The following CISH variants were observed in gnomAD, a reference collection of about 807,000 sequenced individuals.
The protein encoded by CISH is cytokine-inducible SH2-containing protein.
Under a neutral mutation model 21.3 loss-of-function variants are expected in CISH, and 11 were observed. That is an observed-to-expected ratio of 0.52 (90% CI 0.32 to 0.85). The LOEUF (loss-of-function observed/expected upper bound fraction) is 0.85, where lower values mean the gene tolerates loss of function less well. Ranked by LOEUF, CISH falls within the 40% of genes least tolerant of loss-of-function variation. The pLI, the probability that CISH is intolerant of heterozygous loss-of-function variation, is 0.03. For missense variants in CISH, 280 were observed against 351.7 expected, an observed-to-expected ratio of 0.80 and a Z score of 1.63; for synonymous variants, 118 against 142.3, an observed-to-expected ratio of 0.83 and a Z score of 1.22.
rs373707188 is a variant in CISH at position 50,608,360 on chromosome 3, C to A, written c.241+13G>T. ...CTACTCAGGAAAAGGCCTGCCTCCC[C>A]CCTCAGACTCACCAGATTCCCGAAG... On this transcript the variant is annotated intron_variant, in intron 2 of 2. Coordinates refer to ENST00000348721, the MANE Select transcript of CISH (RefSeq NM_145071.4). 5 of 1,585,284 alleles carry A rather than the reference C, an allele frequency of 3.2e-6. No homozygotes were observed. In the African/African-American group the frequency reaches 4.1e-5, roughly 13 times the overall value.
In CISH at chr3:50,610,032, A is replaced by C. The variant is rs996449492; in HGVS notation, c.21-1439T>G. On this transcript the variant is annotated intron_variant, in intron 1 of 2. Transcript: ENST00000348721. ...GGTTCTAACAAATCATGGCCCTATG[A>C]CCACTCACAGTGAGAAAGGGCCACA... 4 of 331,214 alleles carry C rather than the reference A, an allele frequency of 1.2e-5. No individual in the cohort carries two copies. In the Admixed American group the frequency reaches 1.2e-4, roughly 10 times the overall value. The allele number at this position is 331,214 out of a possible 1,614,324, so 20.5% of individuals were successfully genotyped here.
chr3:50,608,016 G>A lies in CISH; in HGVS notation c.368C>T (p.Thr123Ile). 7.4e-6 allele frequency: 12 copies of A among 1,614,054 alleles called. No homozygotes were observed. The highest frequency in any genetic ancestry group is 1.0e-5 in the Non-Finnish European group (12 of 1,180,024). The part of the protein sequence containing the change: ...SYLFTLSVKT[T>I]RGPTNVRIEY... ...AATGCGTACATTGGTGGGGCCACGA[G>A]TGGTTTTCACTGACAGCGTGAACAG... Residue 123 changes from threonine (T) to isoleucine (I), a missense_variant, in exon 3 of 3, where the codon ACT (threonine) becomes ATT (isoleucine). Physicochemically the swap from Thr to Ile is moderately conservative, Grantham distance 89. Coordinates refer to ENST00000348721, the MANE Select transcript of CISH (RefSeq NM_145071.4).
rs1249441223 is a variant in CISH, at chr3:50,607,236, G to T, written c.*371C>A. 1 of 252,548 alleles carries T rather than the reference G, an allele frequency of 4.0e-6. No homozygotes were observed. Among genetic ancestry groups the T allele is most frequent in the African/African-American group, 2.2e-5 (1 of 45,994 alleles). 15.6% of individuals were successfully genotyped at this position (252,548 alleles called of 1,614,324 possible). On this transcript the variant is annotated 3_prime_UTR_variant, in exon 3 of 3. Coordinates refer to ENST00000348721, the MANE Select transcript of CISH (RefSeq NM_145071.4). ...AAACAGAGGCTGGCTGCCAGTAGGG[G>T]TCCTACCCGACCCTGGGGATTGAAA... is the stretch of plus-strand genomic sequence containing the variant.
At position 50,607,595 on chromosome 3, in the gene CISH, T is replaced by G. The variant is rs1466771144; in HGVS notation, c.*12A>C. The G allele has an allele frequency of 6.3e-7, 1 of 1,596,968 alleles. No individual in the cohort carries two copies. Among genetic ancestry groups the G allele is most frequent in the East Asian group, 2.2e-5 (1 of 44,636 alleles). The stretch of plus-strand genomic sequence containing the variant: ...TGCGACTGGGTGAGGGTGGGCAGAT[T>G]GCCCCGTACAGTCAGAGCTGGAAGG... On this transcript the variant is annotated 3_prime_UTR_variant, in exon 3 of 3. Transcript: ENST00000348721.
chr3:50,609,612 A>G (rs1382789489), intron 1 of CISH: 1 of 152,180 alleles, frequency 6.6e-6, no homozygotes, highest in African/African-American at 2.4e-5. Context: ...GACTGGCTCT[A>G]CTTCCCCAGG....
chr3:50,608,173 T>C (rs377391900), intron 2 of CISH, 31 bp from the exon 3 acceptor site: 71 of 1,571,916 alleles, frequency 4.5e-5, no homozygotes, highest in Non-Finnish European at 5.5e-5. Context: ...CCAAGGGACA[T>C]AGTGGAAATT....
At chr3:50,609,766 G>A (rs2032265737) in intron 1 of CISH, 1 of 152,368 alleles carries the variant, frequency 6.6e-6, no homozygotes, top group Non-Finnish European at 1.5e-5. Context: ...TGGGGAAGAT[G>A]ACACTAAGAG....
chr3:50,608,751 T>C (rs2032239047), intron 1 of CISH, 158 bp from the exon 2 acceptor site: 2 of 455,006 alleles, frequency 4.4e-6, no homozygotes, highest in East Asian at 6.9e-5. Flanking sequence ...GTTAGTCCAG[T>C]ATCTCGTTCC....
chr3:50,610,960 T>C (rs1216235876), intron 1 of CISH: 18 of 996,658 alleles, frequency 1.8e-5, no homozygotes, highest in Non-Finnish European at 2.2e-5. Flanking sequence ...CCCTCTCCAC[T>C]GTCCCTTACC....
At chr3:50,611,534 C>T (rs2032325751) in intron 1 of CISH, 97 bp downstream of exon 1, 1 of 1,515,146 alleles carries the variant, frequency 6.6e-7, no homozygotes, top group Non-Finnish European at 8.8e-7. Context: ...ACCTCTGGCC[C>T]GTCAAGCCCT....
chr3:50,607,412 G>A lies in CISH; in HGVS notation c.*195C>T. 2 of 611,578 alleles carry A rather than the reference G, an allele frequency of 3.3e-6. No individual in the cohort carries two copies. The highest frequency in any genetic ancestry group is 5.8e-6 in the Non-Finnish European group (2 of 345,698). 37.9% of individuals were successfully genotyped at this position (611,578 alleles called of 1,614,324 possible). A position where few individuals can be genotyped will look rare whatever the true frequency, so the allele number is the denominator to read the frequency against. On this transcript the variant is annotated 3_prime_UTR_variant, in exon 3 of 3. Transcript: ENST00000348721. ...TATAATGAAGCCACATGCGGCCTGGGGGCATTTACCTCCAAGTTGTGTGAC... is the reference window on the plus strand; with the variant it reads ...TATAATGAAGCCACATGCGGCCTGGAGGCATTTACCTCCAAGTTGTGTGAC...
rs1428477665 is a variant in CISH, at chr3:50,608,503, C to A, written c.111G>T (p.Leu37Phe). The change falls in exon 2 of 3, where the codon TTG (leucine) becomes TTT (phenylalanine). Residue 37 changes from leucine (L) to phenylalanine (F), a missense_variant. Leu to Phe is a conservative substitution (Grantham distance 22, BLOSUM62 0). Transcript: ENST00000348721. ...CCTCCTCGAGGAAGGCCCCAGCAGGCAAGGGCTGCATGACTGGCTTGGGCA... is the reference window on the plus strand; with the variant it reads ...CCTCCTCGAGGAAGGCCCCAGCAGGAAAGGGCTGCATGACTGGCTTGGGCA... ...LELPKPVMQP[L>F]PAGAFLEEVA... 4 of 1,611,716 alleles carry A rather than the reference C, an allele frequency of 2.5e-6. No homozygotes were observed. In the East Asian group the frequency reaches 6.7e-5, roughly 27 times the overall value.
At chr3:50,610,848 G>A (rs2032303294) in intron 1 of CISH, 1 of 1,071,560 alleles carries the variant, frequency 9.3e-7, no homozygotes, top group Non-Finnish European at 1.1e-6. Flanking sequence ...ACATCACCAT[G>A]GCCAGCATCA....
In CISH at chr3:50,607,599, C is replaced by T. The variant is rs1401601764; in HGVS notation, c.*8G>A. 5.6e-6 allele frequency: 9 copies of T among 1,604,418 alleles called. No individual in the cohort carries two copies. The highest frequency in any genetic ancestry group is 7.7e-6 in the Non-Finnish European group (9 of 1,174,764). On this transcript the variant is annotated 3_prime_UTR_variant, in exon 3 of 3. Transcript: ENST00000348721. The stretch of plus-strand genomic sequence containing the variant: ...ACTGGGTGAGGGTGGGCAGATTGCC[C>T]CGTACAGTCAGAGCTGGAAGGGGTA...
At chr3:50,611,567 G>A in intron 1 of CISH, 64 bp downstream of exon 1, 1 of 1,524,968 alleles carries the variant, frequency 6.6e-7, no homozygotes, top group African/African-American at 1.4e-5. Context: ...CAGCTAGCAC[G>A]AAGCCCCTGT....
chr3:50,608,167 G>C, intron 2 of CISH, 25 bp from the exon 3 acceptor site: 1 of 1,576,766 alleles, frequency 6.3e-7, no homozygotes, highest in Non-Finnish European at 8.6e-7. Context: ...AGGGGGCCAA[G>C]GGACATAGTG....
Position 50,608,615 on chromosome 3 carries a change from G to T in CISH, c.21-22C>A, listed in dbSNP as rs1455008770. The T allele has an allele frequency of 4.2e-6, 6 of 1,445,136 alleles. No individual in the cohort carries two copies. In the African/African-American group the frequency reaches 8.5e-5, roughly 21 times the overall value. 89.5% of individuals were successfully genotyped at this position (1,445,136 alleles called of 1,614,324 possible). A position where few individuals can be genotyped will look rare whatever the true frequency, so the allele number is the denominator to read the frequency against. ...AGGTCTAGAAGGCAGTGGATGAGCAGTGAGTGGAGGACCCATGCTTCCCCC... is the reference window on the plus strand; with the variant it reads ...AGGTCTAGAAGGCAGTGGATGAGCATTGAGTGGAGGACCCATGCTTCCCCC... On this transcript the variant is annotated intron_variant, in intron 1 of 2. Coordinates refer to ENST00000348721, the MANE Select transcript of CISH (RefSeq NM_145071.4).
chr3:50,608,324 C>G, intron 2 of CISH, 49 bp downstream of exon 2: 1 of 1,530,788 alleles, frequency 6.5e-7, no homozygotes, highest in Non-Finnish European at 8.9e-7. Flanking sequence ...AACTAAGCTT[C>G]TCCCACCAGA....
intron 1 of CISH, 131 bp from the exon 2 acceptor site, chr3:50,608,724 AC>A: frequency 1.8e-6 from 1 of 556,626 alleles, no homozygotes; most frequent in Non-Finnish European, 2.9e-6. Flanking sequence ...CTTCCCCTCT[AC>A]CCAGCCATGG....
Sources: gnomAD v4.1 joint callset for allele counts on GRCh38, gnomAD v4.1.1 for gene constraint, MANE v1.5 for transcripts, NCBI Gene and HGNC (gene_info 2026-07-23, HGNC 2026-07-21) for gene names.